UPF3A: variants seen among roughly 807,000 people sequenced by gnomAD.
UPF3A encodes the protein UPF3A regulator of nonsense mediated mRNA decay.
A neutral mutation model predicts 53.5 loss-of-function variants in UPF3A; 42 were observed. The ratio of observed to expected loss-of-function variants is 0.78; its 90% CI spans 0.61 to 1.01. The LOEUF is 1.01. UPF3A is among the 50% of genes least tolerant of loss of function. The probability of loss-of-function intolerance (pLI) is 0.00; values close to 1 mark genes in which losing one functional copy is unlikely to be tolerated. For synonymous variants in UPF3A, 237 were observed against 225.3 expected, an observed-to-expected ratio of 1.05 and a Z score of -0.47; for missense variants, 575 against 598.0, an observed-to-expected ratio of 0.96 and a Z score of 0.40.
chr13:114,287,793 G>A (rs143755863), intron 5 of UPF3A, among the ~76,000 whole-genome samples: 33 of 152,130 alleles, frequency 2.2e-4, no homozygotes, highest in South Asian at 1.7e-3. Flanking sequence ...GAAATAGTCC[G>A]TTCACTTTCT....
At position 114,286,375 on chromosome 13, in the gene UPF3A, T is replaced by A; in HGVS notation, c.495T>A (p.Asp165Glu). Residue 165 changes from aspartate (D) to glutamate (E), a missense_variant, in exon 4 of 10, where the codon GAT becomes GAA. By Grantham distance (45) the Asp-to-Glu change is conservative. Coordinates refer to ENST00000375299, the MANE Select transcript of UPF3A (RefSeq NM_023011.4). ...KIAKKKLRKKDAKTGSIEDDP... is the reference protein window; with the variant it reads ...KIAKKKLRKKEAKTGSIEDDP... ...CCAAAAAGAAGCTGAGAAAAAAAGA[T>A]GCCAAGACTGGAAGCATCGAAGATG... 6.2e-7 allele frequency: 1 copy of A among 1,614,192 alleles called. No homozygotes were observed. The highest frequency in any genetic ancestry group is 8.5e-7 in the Non-Finnish European group (1 of 1,180,032).
intron 1 of UPF3A, 52 bp downstream of exon 1, chr13:114,281,898 G>A: frequency 1.5e-6 from 2 of 1,326,628 alleles, no homozygotes; most frequent in Non-Finnish European, 1.0e-6. Flanking sequence ...ACGGCCCTGA[G>A]TGGAGGGAGG....
intron 9 of UPF3A, among the ~76,000 whole-genome samples, chr13:114,303,509 G>A (rs1426941074): frequency 1.3e-5 from 2 of 152,158 alleles, no homozygotes; most frequent in African/African-American, 4.8e-5. Flanking sequence ...TTGTCGGCCC[G>A]GTGCGGTGGC....
At chr13:114,304,701 TATC>T in intron 9 of UPF3A, 85 bp from the exon 10 acceptor site, 1 of 1,514,114 alleles carries the variant, frequency 6.6e-7, no homozygotes, top group African/African-American at 1.4e-5. Context: ...GGACAATTCA[TATC>T]ATCAAGTTCT....
chr13:114,286,203 G>A (rs1338447450), intron 3 of UPF3A, 99 bp from the exon 4 acceptor site: 13 of 1,436,896 alleles, frequency 9.0e-6, no homozygotes, highest in African/African-American at 1.4e-5. Context: ...ATGCATTGTC[G>A]TTGTTACACT....
intron 3 of UPF3A, 152 bp from the exon 4 acceptor site, chr13:114,286,150 T>TA: frequency 9.8e-7 from 1 of 1,016,536 alleles, no homozygotes; most frequent in Non-Finnish European, 1.4e-6. Context: ...ATCTTTTTTT[T>TA]AATCTCTTAC....
intron 5 of UPF3A, chr13:114,287,556 A>G (rs922045395): frequency 2.6e-5 from 4 of 152,174 alleles, no homozygotes; most frequent in Non-Finnish European, 4.4e-5. Context: ...GCACCACTGC[A>G]CTCCAGCCTG....
intron 9 of UPF3A, among the ~76,000 whole-genome samples, chr13:114,304,345 T>C (rs1249708537): frequency 6.6e-6 from 1 of 152,188 alleles, no homozygotes; most frequent in African/African-American, 2.4e-5. Context: ...TTTAATAAAA[T>C]GATGGGGTGA....
chr13:114,300,731 G>T (rs2086525700), intron 8 of UPF3A, among the ~76,000 whole-genome samples: 1 of 152,004 alleles, frequency 6.6e-6, no homozygotes, highest in South Asian at 2.1e-4. Context: ...TAGAGACAGG[G>T]TTTCTCCATG....
At position 114,282,096 on chromosome 13, in the gene UPF3A, G is replaced by A. The variant is rs762520134; in HGVS notation, c.283G>A (p.Asp95Asn). The change falls in exon 2 of 10, where the codon GAC becomes AAC. Residue 95 changes from aspartate (D) to asparagine (N), a missense_variant. Transcript: ENST00000375299. ...GCAGCTGCGCCCGCTGCCAGCACAC[G>A]ACTACTTCGAGTTCTTCGCCGCCGA... ...EEQLRPLPAH[D>N]YFEFFAADLS... The A allele has an allele frequency of 1.3e-6, 2 of 1,577,284 alleles. No homozygotes were observed. The highest frequency in any genetic ancestry group is 1.3e-5 in the African/African-American group (1 of 74,110).
chr13:114,288,040 G>C lies in UPF3A; in HGVS notation c.631+1411G>C, dbSNP rs142060852. Among the ~76,000 whole-genome samples the C allele has an allele frequency of 1.3e-5, 2 of 152,190 alleles. 1 individual carries two copies. Among genetic ancestry groups the C allele is most frequent in the East Asian group, 3.9e-4 (2 of 5,188 alleles). ...GGCTGGTCTTGAACTCCTGATCTCA[G>C]ATGATCCGCCTGCCTCAGCCTCCCA... is the stretch of plus-strand genomic sequence containing the variant. On this transcript the variant is annotated intron_variant, in intron 5 of 9. Coordinates refer to ENST00000375299, the MANE Select transcript of UPF3A (RefSeq NM_023011.4).
chr13:114,290,858 C>T (rs1425680197), intron 5 of UPF3A, among the ~76,000 whole-genome samples: 3 of 151,776 alleles, frequency 2.0e-5, no homozygotes, highest in Admixed American at 1.3e-4. Flanking sequence ...CTCAGCCTCC[C>T]GAGTAGCTGG....
At chr13:114,281,881 G>T (rs1346830049) in intron 1 of UPF3A, 35 bp downstream of exon 1, 6 of 1,466,302 alleles carry the variant, frequency 4.1e-6, no homozygotes, top group Non-Finnish European at 4.5e-6. Flanking sequence ...AACCTCGCGA[G>T]GAGAGGACGG....
intron 9 of UPF3A, among the ~76,000 whole-genome samples, chr13:114,303,413 G>T (rs1011076949): frequency 5.3e-5 from 8 of 152,108 alleles, no homozygotes; most frequent in Admixed American, 5.2e-4. Flanking sequence ...CTACTTTCCC[G>T]GGAGCCTGGC....
Position 114,281,850 on chromosome 13 carries a change from G to C in UPF3A, c.207+4G>C. On this transcript the variant is annotated splice_donor_region_variant and intron_variant, in intron 1 of 9. Transcript: ENST00000375299. ...GAAGAGGACGGCCCTGAGCAAGGTG[G>C]GGACGGGGGCGGGGCGCGCAAACCT... is the stretch of plus-strand genomic sequence containing the variant. The C allele has an allele frequency of 6.5e-7, 1 of 1,527,728 alleles. No individual in the cohort carries two copies. Among genetic ancestry groups the C allele is most frequent in the Non-Finnish European group, 8.8e-7 (1 of 1,136,044 alleles). The allele number at this position is 1,527,728 out of a possible 1,614,324, so 94.6% of individuals were successfully genotyped here.
In UPF3A at chr13:114,281,688, G is replaced by C; in HGVS notation, c.49G>C (p.Ala17Pro). ...CGGAGGCCTTCGGGCGGCCGTTGCC[G>C]CGCGGGGCCCGAGCGGGAGGGAGAA... ...GAGGLRAAVA[A>P]RGPSGREKLS... The change falls in exon 1 of 10, where the codon GCG (alanine) becomes CCG (proline). Residue 17 changes from alanine (A) to proline (P), a missense_variant. Physicochemically the swap from Ala to Pro is conservative, Grantham distance 27. This residue lies in a region of UPF3A where 252 missense variants were observed against 182.7 expected (regional missense o/e 1.38). Transcript: ENST00000375299. 8.5e-6 allele frequency: 13 copies of C among 1,537,192 alleles called. No homozygotes were observed. The highest frequency in any genetic ancestry group is 1.2e-5 in the South Asian group (1 of 83,022).
In UPF3A at chr13:114,305,324, G is replaced by C. The variant is rs2139392166; in HGVS notation, c.*407G>C. ...AGCAGAGGAGCTGTCAGTCACTCGT[G>C]CTTCTCGGTGGCCTCTGAGCCATGG... On this transcript the variant is annotated 3_prime_UTR_variant, in exon 10 of 10. Coordinates refer to ENST00000375299, the MANE Select transcript of UPF3A (RefSeq NM_023011.4). The C allele has an allele frequency of 3.6e-6, 1 of 275,488 alleles. No homozygotes were observed. Among genetic ancestry groups the C allele is most frequent in the South Asian group, 3.6e-5 (1 of 28,138 alleles). 17.1% of individuals were successfully genotyped at this position (275,488 alleles called of 1,614,324 possible).
At chr13:114,291,901 AAT>A in intron 7 of UPF3A, 109 bp downstream of exon 7, 2 of 1,321,234 alleles carry the variant, frequency 1.5e-6, no homozygotes, top group Non-Finnish European at 2.1e-6. Context: ...GAATTAATCT[AAT>A]ATTGTGTTGT....
chr13:114,289,520 CT>C (rs1452669572), intron 5 of UPF3A, among the ~76,000 whole-genome samples: 6 of 117,188 alleles, frequency 5.1e-5, no homozygotes, highest in Admixed American at 9.2e-5. Context: ...AAGACTCCAT[CT>C]CAAAAAAAAA....
Sources: allele counts gnomAD v4.1 joint callset (sites outside exome capture counted in the v4.1 genomes callset), GRCh38; gene constraint gnomAD v4.1.1; regional missense constraint gnomAD v4.1.1; transcripts MANE v1.5; gene names NCBI Gene and HGNC (gene_info 2026-07-23, HGNC 2026-07-21).